The following DYNC2H1 variants were observed in gnomAD, a reference collection of about 807,000 sequenced individuals.
DYNC2H1 encodes the protein cytoplasmic dynein 2 heavy chain 1.
A neutral mutation model predicts 570.0 loss-of-function variants in DYNC2H1; 410 were observed. The observed-to-expected ratio is 0.72, with a 90% CI of 0.66 to 0.78. The LOEUF (loss-of-function observed/expected upper bound fraction) is 0.78, where lower values mean the gene tolerates loss of function less well. Ranked by LOEUF, DYNC2H1 falls within the 30% of genes least tolerant of loss-of-function variation. DYNC2H1 has a pLI of 0.00. For synonymous variants in DYNC2H1, 1,688 were observed against 1,677.6 expected (o/e 1.01, Z -0.15); for missense variants, 4,865 against 5,046.4 (o/e 0.96, Z 1.09).
At chr11:103,166,377 C>T (rs922998045) in intron 31 of DYNC2H1, among the ~76,000 whole-genome samples, 3 of 151,994 alleles carry the variant, frequency 2.0e-5, no homozygotes, top group African/African-American at 4.8e-5. Flanking sequence ...TGAAAAAACT[C>T]GAGGAGAACA....
chr11:103,456,546 C>A (rs1265647050), intron 87 of DYNC2H1, among the ~76,000 whole-genome samples, 190 bp downstream of exon 87: 2 of 152,250 alleles, frequency 1.3e-5, no homozygotes, highest in East Asian at 3.9e-4. Flanking sequence ...ACAGACTCTT[C>A]TTATGCAAAC....
Position 103,154,682 on chromosome 11 carries a change from T to C in DYNC2H1, c.3459-13T>C. ...GGATGTAATCTTTGCAATGTGTTTT[T>C]GGTATTTTATAGGACTAAGACATAC... is the stretch of plus-strand genomic sequence containing the variant. On this transcript the variant is annotated splice_polypyrimidine_tract_variant and intron_variant, in intron 23 of 88. Transcript: ENST00000375735. 6.4e-7 allele frequency: 1 copy of C among 1,565,776 alleles called. No homozygotes were observed. The highest frequency in any genetic ancestry group is 8.6e-7 in the Non-Finnish European group (1 of 1,156,128).
At chr11:103,115,658 C>T (rs759402766) in intron 4 of DYNC2H1, among the ~76,000 whole-genome samples, 9 of 151,872 alleles carry the variant, frequency 5.9e-5, no homozygotes, top group African/African-American at 9.7e-5. Flanking sequence ...ATTAGCTGGG[C>T]GTGGTGGTGA....
intron 14 of DYNC2H1, 140 bp from the exon 15 acceptor site, chr11:103,134,181 T>C (rs1414002057): frequency 4.6e-6 from 3 of 653,962 alleles, no homozygotes; most frequent in Non-Finnish European, 7.7e-6. Flanking sequence ...CTCAGTACAT[T>C]GGTCAAGTAT....
At chr11:103,368,136 G>C (rs979866496) in intron 83 of DYNC2H1, among the ~76,000 whole-genome samples, 8 of 152,160 alleles carry the variant, frequency 5.3e-5, no homozygotes, top group African/African-American at 1.9e-4. Flanking sequence ...CCAGTAGTGA[G>C]AGTGTGGGTA....
At chr11:103,401,294 A>G (rs1242990414) in intron 84 of DYNC2H1, among the ~76,000 whole-genome samples, 2 of 152,186 alleles carry the variant, frequency 1.3e-5, no homozygotes, top group Non-Finnish European at 2.9e-5. Context: ...TGCTCTTGAG[A>G]GTATATTTCT....
At chr11:103,459,133 C>T (rs937046778) in intron 87 of DYNC2H1, among the ~76,000 whole-genome samples, 17 of 150,574 alleles carry the variant, frequency 1.1e-4, no homozygotes, top group African/African-American at 4.1e-4. Flanking sequence ...AACGGTGAAA[C>T]CCCGTCTCTA....
Position 103,468,586 on chromosome 11 carries a change from C to T in DYNC2H1, c.12649-3C>T, listed in dbSNP as rs1420043897. 2 of 1,607,812 alleles carry T rather than the reference C, an allele frequency of 1.2e-6. No individual in the cohort carries two copies. The highest frequency in any genetic ancestry group is 1.7e-5 in the Admixed American group (1 of 59,822). On this transcript the variant is annotated splice_polypyrimidine_tract_variant and splice_region_variant and intron_variant, in intron 87 of 88. Transcript: ENST00000375735. ...TTTCATGACATATTTGTTTCCATGG[C>T]AGATCAGTGGCTTGTTACTAGAAGG...
chr11:103,126,112 T>C (rs560546915), intron 12 of DYNC2H1, among the ~76,000 whole-genome samples: 101 of 152,334 alleles, frequency 6.6e-4, no homozygotes, highest in African/African-American at 2.3e-3. Flanking sequence ...TCTTGTATAT[T>C]TGGTCTTTCA....
At chr11:103,468,457 C>T (rs2135848383) in intron 87 of DYNC2H1, 132 bp from the exon 88 acceptor site, 1 of 604,324 alleles carries the variant, frequency 1.7e-6, no homozygotes, top group South Asian at 2.4e-5. Flanking sequence ...CTCAAAGTAC[C>T]ATAATCTTTG....
chr11:103,425,731 G>T, intron 84 of DYNC2H1, among the ~76,000 whole-genome samples: 1 of 100,822 alleles, frequency 9.9e-6, no homozygotes, highest in South Asian at 4.1e-4. Flanking sequence ...TTTAAGACTT[G>T]GCTCTCACTA....
chr11:103,411,139 C>T (rs1709153), intron 84 of DYNC2H1, among the ~76,000 whole-genome samples: 47,995 of 151,888 alleles, frequency 0.32, 7,612 homozygotes, highest in African/African-American at 0.35. Context: ...AATACTTCAG[C>T]GTAAAGTTAA....
At chr11:103,346,392 G>A (rs982352958) in intron 82 of DYNC2H1, among the ~76,000 whole-genome samples, 7 of 152,018 alleles carry the variant, frequency 4.6e-5, no homozygotes, top group Non-Finnish European at 1.0e-4. Context: ...TTAGCCAATG[G>A]CAACATCAGC....
At chr11:103,362,247 C>A (rs1940678161) in intron 83 of DYNC2H1, among the ~76,000 whole-genome samples, 1 of 146,446 alleles carries the variant, frequency 6.8e-6, no homozygotes, top group Admixed American at 6.9e-5. Context: ...AAAACAAAAA[C>A]AATGATTTTT....
intron 59 of DYNC2H1, among the ~76,000 whole-genome samples, chr11:103,224,491 C>T (rs773777223): frequency 2.8e-4 from 43 of 152,300 alleles, no homozygotes; most frequent in Non-Finnish European, 5.1e-4. Flanking sequence ...TGAGTGAGAA[C>T]GTACAATGTT....
chr11:103,478,536 C>T (rs1330005174), intron 88 of DYNC2H1, among the ~76,000 whole-genome samples: 2 of 152,060 alleles, frequency 1.3e-5, no homozygotes, highest in Admixed American at 1.3e-4. Context: ...ATACAAGGAA[C>T]AGACAGAGCA....
At position 103,125,407 on chromosome 11, in the gene DYNC2H1, C is replaced by A. The variant is rs148908346; in HGVS notation, c.1857+112C>A. On this transcript the variant is annotated intron_variant, in intron 12 of 88. Transcript: ENST00000375735. The stretch of plus-strand genomic sequence containing the variant: ...TTTTAGGCTCATAGAATAGCACTGC[C>A]AGCTGTGAAATTATGTTTTACTAAA... 6 of 776,044 alleles carry A rather than the reference C, an allele frequency of 7.7e-6. No individual in the cohort carries two copies. The East Asian group carries it at 1.2e-4, about 15-fold the overall frequency. The allele number at this position is 776,044 out of a possible 1,614,324, so 48.1% of individuals were successfully genotyped here.
intron 70 of DYNC2H1, among the ~76,000 whole-genome samples, chr11:103,271,006 T>C (rs596816): frequency 0.24 from 37,086 of 152,068 alleles, 5,063 homozygotes; most frequent in African/African-American, 0.38. Flanking sequence ...TGAAAGTTAG[T>C]GTCTGTGCCG....
chr11:103,262,978 C>G (rs1448570442), intron 70 of DYNC2H1, among the ~76,000 whole-genome samples: 1 of 136,980 alleles, frequency 7.3e-6, no homozygotes, highest in African/African-American at 2.7e-5. Context: ...ACACATAGGC[C>G]CAAAATAAAG....
Sources: gnomAD v4.1 joint callset for allele counts (sites outside exome capture counted in the v4.1 genomes callset) on GRCh38, gnomAD v4.1.1 for gene constraint, MANE v1.5 for transcripts, NCBI Gene and HGNC (gene_info 2026-07-23, HGNC 2026-07-21) for gene names.